Variants in AUTS2 observed in about 807,000 individuals in gnomAD.
AUTS2 encodes the protein autism susceptibility gene 2 protein.
Under a neutral mutation model 112.4 loss-of-function variants are expected in AUTS2, and 17 were observed. The ratio of observed to expected loss-of-function variants is 0.15; its 90% CI spans 0.10 to 0.23. The LOEUF (loss-of-function observed/expected upper bound fraction) is 0.23. Ranked by LOEUF, AUTS2 falls within the 10% of genes least tolerant of loss-of-function variation. The pLI, the probability that AUTS2 is intolerant of heterozygous loss-of-function variation, is 1.00. For synonymous variants in AUTS2, 751 were observed against 702.7 expected (o/e 1.07, Z -1.09); for missense variants, 1,510 against 1,701.6 (o/e 0.89, Z 1.98).
chr7:70,172,131 G>T (rs750625595), intron 4 of AUTS2, among the ~76,000 whole-genome samples: 1 of 152,020 alleles, frequency 6.6e-6, no homozygotes, highest in African/African-American at 2.4e-5. Flanking sequence ...TATCCAGCAC[G>T]ACACTGACAA....
intron 5 of AUTS2, among the ~76,000 whole-genome samples, chr7:70,586,025 G>T (rs1477878576): frequency 6.6e-6 from 1 of 151,900 alleles, no homozygotes. Flanking sequence ...ACCATGTCTG[G>T]CTGATTTTTG....
At chr7:70,154,020 T>G (rs886486488) in intron 4 of AUTS2, among the ~76,000 whole-genome samples, 2 of 152,238 alleles carry the variant, frequency 1.3e-5, no homozygotes, top group Non-Finnish European at 2.9e-5. Flanking sequence ...TGCACAGATA[T>G]AGCAGTCTTT....
chr7:70,292,717 A>G (rs1788763576), intron 4 of AUTS2: 1 of 152,160 alleles, frequency 6.6e-6, no homozygotes, highest in African/African-American at 2.4e-5. Flanking sequence ...CCTACTAGTT[A>G]GAGAAGGAAA....
At chr7:69,744,897 G>A (rs1172508183) in intron 1 of AUTS2, among the ~76,000 whole-genome samples, 1 of 152,116 alleles carries the variant, frequency 6.6e-6, no homozygotes, top group African/African-American at 2.4e-5. Context: ...ACTGTAAACA[G>A]GCTCCTTAGA....
chr7:70,582,743 A>G (rs1217342900), intron 5 of AUTS2, among the ~76,000 whole-genome samples: 1 of 152,208 alleles, frequency 6.6e-6, no homozygotes, highest in African/African-American at 2.4e-5. Context: ...GCCTTCTACA[A>G]GGCCAGAGAT....
chr7:69,785,000 T>C (rs1373608800), intron 1 of AUTS2, among the ~76,000 whole-genome samples: 1 of 151,910 alleles, frequency 6.6e-6, no homozygotes, highest in Non-Finnish European at 1.5e-5. Flanking sequence ...TTTATAATGG[T>C]GGTGGTGATA....
At chr7:70,037,267 A>G (rs2129557298) in intron 2 of AUTS2, among the ~76,000 whole-genome samples, 1 of 152,322 alleles carries the variant, frequency 6.6e-6, no homozygotes, top group African/African-American at 2.4e-5. Flanking sequence ...ATTTGAGTCA[A>G]TGGATACAAA....
At chr7:70,714,136 A>G (rs1024394679) in intron 6 of AUTS2, among the ~76,000 whole-genome samples, 5 of 152,224 alleles carry the variant, frequency 3.3e-5, no homozygotes, top group East Asian at 1.9e-4. Flanking sequence ...TACATGTAAG[A>G]TGAAATTGAC....
chr7:70,726,461 T>C (rs184550785), intron 6 of AUTS2, among the ~76,000 whole-genome samples: 1 of 152,332 alleles, frequency 6.6e-6, no homozygotes, highest in African/African-American at 2.4e-5. Context: ...GTGATATAAA[T>C]GTCAACATTT....
chr7:70,434,663 C>G (rs1795816289), intron 4 of AUTS2, among the ~76,000 whole-genome samples: 1 of 152,196 alleles, frequency 6.6e-6, no homozygotes, highest in Non-Finnish European at 1.5e-5. Context: ...TGCACTCTCT[C>G]CACGTTCCCA....
At chr7:69,754,987 A>G (rs890505879) in intron 1 of AUTS2, among the ~76,000 whole-genome samples, 2 of 152,168 alleles carry the variant, frequency 1.3e-5, no homozygotes, top group South Asian at 2.1e-4. Context: ...ATAACTTTGT[A>G]AGGACTAGTC....
intron 4 of AUTS2, among the ~76,000 whole-genome samples, chr7:70,393,285 A>G (rs564339664): frequency 4.7e-4 from 72 of 152,250 alleles, no homozygotes; most frequent in Non-Finnish European, 7.9e-4. Flanking sequence ...TATGTCTTCT[A>G]TGGGAACTTG....
At chr7:69,817,394 A>G (rs1489362550) in intron 1 of AUTS2, among the ~76,000 whole-genome samples, 2 of 152,124 alleles carry the variant, frequency 1.3e-5, no homozygotes, top group African/African-American at 2.4e-5. Context: ...CAGGGGTTTT[A>G]TGGGTACTTT....
At chr7:70,743,695 A>G (rs1788260170) in intron 6 of AUTS2, among the ~76,000 whole-genome samples, 1 of 152,130 alleles carries the variant, frequency 6.6e-6, no homozygotes, top group African/African-American at 2.4e-5. Context: ...GAGGATTAAG[A>G]TGTCATTGCC....
At chr7:70,228,726 A>G (rs1196743764) in intron 4 of AUTS2, among the ~76,000 whole-genome samples, 1 of 151,964 alleles carries the variant, frequency 6.6e-6, no homozygotes, top group Non-Finnish European at 1.5e-5. Context: ...TTGCTTCACT[A>G]TAGATCCATG....
chr7:69,802,082 T>C (rs1426348473), intron 1 of AUTS2, among the ~76,000 whole-genome samples: 1 of 152,186 alleles, frequency 6.6e-6, no homozygotes, highest in Admixed American at 6.5e-5. Flanking sequence ...CTCATGTTTA[T>C]TACGTTGGCC....
At chr7:70,298,362 C>T (rs1789045932) in intron 4 of AUTS2, among the ~76,000 whole-genome samples, 1 of 152,112 alleles carries the variant, frequency 6.6e-6, no homozygotes, top group Non-Finnish European at 1.5e-5. Flanking sequence ...AATTTTAAGT[C>T]ACTCCAGTTT....
At chr7:70,290,596 G>T in intron 4 of AUTS2, 1 of 1,437,078 alleles carries the variant, frequency 7.0e-7, no homozygotes. Context: ...ACCCCAATGA[G>T]AAATTAAACA....
At chr7:69,768,247 G>T (rs1246473259) in intron 1 of AUTS2, among the ~76,000 whole-genome samples, 1 of 152,210 alleles carries the variant, frequency 6.6e-6, no homozygotes, top group African/African-American at 2.4e-5. Flanking sequence ...CTCACGCTGG[G>T]TTGTGTAAAT....
Sources: allele counts gnomAD v4.1 joint callset (sites outside exome capture counted in the v4.1 genomes callset), GRCh38; gene constraint gnomAD v4.1.1; transcripts MANE v1.5; gene names NCBI Gene and HGNC (gene_info 2026-07-23, HGNC 2026-07-21).